Variants in ANGPTL4 observed in about 807,000 individuals in gnomAD.
ANGPTL4 encodes the protein angiopoietin like 4.
ANGPTL4 carries 39 observed loss-of-function variants against 39.2 expected under a neutral mutation model. The observed-to-expected ratio is 1.00, with a 90% CI of 0.77 to 1.30. ANGPTL4 has a LOEUF of 1.30. Among genes scored for constraint, ANGPTL4 ranks in the 50% most tolerant of loss-of-function variants. The pLI is 0.00. For missense variants in ANGPTL4, 545 were observed against 549.8 expected (o/e 0.99, Z 0.09); for synonymous variants, 233 against 229.5 (o/e 1.02, Z -0.14).
intron 4 of ANGPTL4, 123 bp downstream of exon 4, chr19:8,369,455 C>CTTTT (rs569969146): frequency 7.7e-5 from 25 of 325,316 alleles, no homozygotes; most frequent in East Asian, 3.4e-4. Context: ...CCAAGCTGGT[C>CTTTT]TTTTTTTTTT....
chr19:8,372,703 A>G (rs1270537234), intron 6 of ANGPTL4, among the ~76,000 whole-genome samples: 1 of 151,582 alleles, frequency 6.6e-6, no homozygotes. Context: ...CTGAGTTGGG[A>G]GGATCTCTTG....
chr19:8,370,230 T>G (rs574885694), intron 4 of ANGPTL4, among the ~76,000 whole-genome samples: 1 of 147,038 alleles, frequency 6.8e-6, no homozygotes, highest in South Asian at 2.1e-4. Flanking sequence ...AAAGAGAAAA[T>G]AAAATAAAAT....
At position 8,366,419 on chromosome 19, in the gene ANGPTL4, T is replaced by C. The variant is rs1390705433; in HGVS notation, c.547+100T>C. ...TCAGGTCCACCTTAAGGAGAAGATG[T>C]CCTGGCCTGGAGTCCCTGAGGGCTC... On this transcript the variant is annotated intron_variant, in intron 3 of 6. Coordinates refer to ENST00000301455, the MANE Select transcript of ANGPTL4 (RefSeq NM_139314.3). 5 of 1,336,024 alleles carry C rather than the reference T, an allele frequency of 3.7e-6. No individual in the cohort carries two copies. The African/African-American group carries it at 7.2e-5, about 19-fold the overall frequency. The allele number at this position is 1,336,024 out of a possible 1,614,324, so 82.8% of individuals were successfully genotyped here. A position where few individuals can be genotyped will look rare whatever the true frequency, so the allele number is the denominator to read the frequency against.
At chr19:8,373,221 A>G (rs1971159004) in intron 6 of ANGPTL4, among the ~76,000 whole-genome samples, 2 of 152,262 alleles carry the variant, frequency 1.3e-5, no homozygotes, top group South Asian at 2.1e-4. Context: ...CCTGGCCAAC[A>G]TGGTGAAACC....
At chr19:8,367,731 G>A (rs1971034833) in intron 3 of ANGPTL4, among the ~76,000 whole-genome samples, 1 of 152,150 alleles carries the variant, frequency 6.6e-6, no homozygotes, top group African/African-American at 2.4e-5. Flanking sequence ...CTAGGAGCTG[G>A]GACCCCAGGC....
chr19:8,364,417 G>A lies in ANGPTL4; in HGVS notation c.96G>A (p.Ser32=). The part of the protein sequence containing the change: ...SAQGGPVQSK[S]PRFASWDEMN... ...AGGGCGGACCCGTGCAGTCCAAGTC[G>A]CCGCGCTTTGCGTCCTGGGACGAGA... is the stretch of plus-strand genomic sequence containing the variant. The change falls in exon 1 of 7, where the codon TCG becomes TCA. Residue 32 remains serine, a synonymous_variant. Transcript: ENST00000301455. 1 of 1,548,196 alleles carries A rather than the reference G, an allele frequency of 6.5e-7. No homozygotes were observed. Among genetic ancestry groups the A allele is most frequent in the Non-Finnish European group, 8.7e-7 (1 of 1,149,592 alleles).
chr19:8,366,374 C>T, intron 3 of ANGPTL4, 55 bp downstream of exon 3: 2 of 1,560,414 alleles, frequency 1.3e-6, no homozygotes, highest in Non-Finnish European at 1.8e-6. Flanking sequence ...CGCCACTTGC[C>T]ATTGCTGGTC....
rs1439408028 is a variant in ANGPTL4, at chr19:8,371,996, G to T, written c.1039+474G>T. 1.3e-5 allele frequency among the ~76,000 whole-genome samples: 2 copies of T among 152,076 alleles called. No homozygotes were observed. The highest frequency in any genetic ancestry group is 3.9e-4 in the East Asian group (2 of 5,150). ...GATGGTCTCGATCTCCTGACCTCGT[G>T]ATCTGCCTGCCTCAGCCTCCCAAAG... On this transcript the variant is annotated intron_variant, in intron 6 of 6. Transcript: ENST00000301455. This position sits in a 1 kb window ranked among gnomAD's most constrained non-coding sequence, Gnocchi z 5.1.
At chr19:8,368,353 G>A (rs951112045) in intron 3 of ANGPTL4, among the ~76,000 whole-genome samples, 2 of 152,174 alleles carry the variant, frequency 1.3e-5, no homozygotes, top group Non-Finnish European at 2.9e-5. Flanking sequence ...TGGGGCCTGC[G>A]TGGATGCTGG....
intron 3 of ANGPTL4, among the ~76,000 whole-genome samples, chr19:8,367,552 G>GC (rs917445793): frequency 6.6e-6 from 1 of 152,050 alleles, no homozygotes; most frequent in African/African-American, 2.4e-5. Context: ...GTCACTCTGG[G>GC]CCCGCCCCCA....
rs1971178873 is a variant in ANGPTL4 at position 8,373,862 on chromosome 19, C to T, written c.1197C>T (p.Pro399=). The change falls in exon 7 of 7, where the codon CCC becomes CCT. Residue 399 remains proline (P), a synonymous_variant. Transcript: ENST00000301455. ...AGGCCACCACCATGTTGATCCAGCC[C>T]ATGGCAGCAGAGGCAGCCTCCTAGC... ...PLQATTMLIQ[P]MAAEAAS 5 of 1,613,686 alleles carry T rather than the reference C, an allele frequency of 3.1e-6. No individual in the cohort carries two copies. The highest frequency in any genetic ancestry group is 4.2e-6 in the Non-Finnish European group (5 of 1,179,982).
chr19:8,370,832 C>G (rs561402585), intron 4 of ANGPTL4, among the ~76,000 whole-genome samples: 14 of 152,248 alleles, frequency 9.2e-5, no homozygotes, highest in African/African-American at 2.9e-4. Flanking sequence ...ACTGCCTACT[C>G]CCTCCCACAC....
At position 8,373,768 on chromosome 19, in the gene ANGPTL4, C is replaced by T. The variant is rs1971174541; in HGVS notation, c.1103C>T (p.Pro368Leu). Reference protein sequence around the residue: ...NLNGQYFRSIPQQRQKLKKGI... With the variant: ...NLNGQYFRSILQQRQKLKKGI... ...AACGGCCAGTACTTCCGCTCCATCC[C>T]ACAGCAGCGGCAGAAGCTTAAGAAG... The change falls in exon 7 of 7, where the codon CCA becomes CTA. Residue 368 changes from proline (P) to leucine (L), a missense_variant. Physicochemically the swap from Pro to Leu is moderately conservative, Grantham distance 98. Coordinates refer to ENST00000301455, the MANE Select transcript of ANGPTL4 (RefSeq NM_139314.3). The T allele has an allele frequency of 6.2e-7, 1 of 1,614,052 alleles. No individual in the cohort carries two copies.
In ANGPTL4 at chr19:8,373,916, C is replaced by G. The variant is rs374831765; in HGVS notation, c.*30C>G. On this transcript the variant is annotated 3_prime_UTR_variant, in exon 7 of 7. Transcript: ENST00000301455. ...CTGGCTGGGCCTGGTCCCAGGCCCA[C>G]GAAAGACGGTGACTCTTGGCTCTGC... The G allele has an allele frequency of 1.2e-6, 2 of 1,604,898 alleles. No individual in the cohort carries two copies. Among genetic ancestry groups the G allele is most frequent in the Non-Finnish European group, 8.5e-7 (1 of 1,173,956 alleles).
At chr19:8,364,681 C>T in intron 1 of ANGPTL4, 42 bp downstream of exon 1, 1 of 1,555,982 alleles carries the variant, frequency 6.4e-7, no homozygotes, top group East Asian at 2.4e-5. Context: ...CCTAGTGGCT[C>T]TCCTGGCTTG....
At chr19:8,368,853 C>CA (rs1342591445) in intron 3 of ANGPTL4, among the ~76,000 whole-genome samples, 1 of 152,016 alleles carries the variant, frequency 6.6e-6, no homozygotes, top group Non-Finnish European at 1.5e-5. Context: ...GACTCCGTAT[C>CA]AAAAAACAAA....
At position 8,364,193 on chromosome 19, in the gene ANGPTL4, C is replaced by T. The variant is rs981023950; in HGVS notation, c.-129C>T. ...AGCGGATCCTCACACGACTGTGATC[C>T]GATTCTTTCCAGCGGCTTCTGCAAC... On this transcript the variant is annotated 5_prime_UTR_variant, in exon 1 of 7. Coordinates refer to ENST00000301455, the MANE Select transcript of ANGPTL4 (RefSeq NM_139314.3). The T allele has an allele frequency of 6.6e-5, 65 of 978,268 alleles. No homozygotes were observed. Among genetic ancestry groups the T allele is most frequent in the Admixed American group, 6.5e-4 (25 of 38,608 alleles). The allele number at this position is 978,268 out of a possible 1,614,324, so 60.6% of individuals were successfully genotyped here. A position where few individuals can be genotyped will look rare whatever the true frequency, so the allele number is the denominator to read the frequency against.
chr19:8,367,943 C>T (rs571484337), intron 3 of ANGPTL4, among the ~76,000 whole-genome samples: 6 of 152,266 alleles, frequency 3.9e-5, no homozygotes, highest in Non-Finnish European at 5.9e-5. Flanking sequence ...AAGTGATTCT[C>T]CTGCCTCAGC....
At chr19:8,369,449 G>C in intron 4 of ANGPTL4, 117 bp downstream of exon 4, 9 of 627,874 alleles carry the variant, frequency 1.4e-5, no homozygotes, top group Non-Finnish European at 2.4e-5. Context: ...TGTTGCCCAA[G>C]CTGGTCTTTT....
Sources: gnomAD v4.1 joint callset for allele counts (sites outside exome capture counted in the v4.1 genomes callset) on GRCh38, gnomAD v4.1.1 for gene constraint, Gnocchi (gnomAD v3.1) non-coding constraint, MANE v1.5 for transcripts, NCBI Gene and HGNC (gene_info 2026-07-23, HGNC 2026-07-21) for gene names.